MRPL1: variants seen among roughly 807,000 people sequenced by gnomAD.
MRPL1 encodes the protein mitochondrial ribosomal protein L1.
In MRPL1, 28 loss-of-function variants were observed where a neutral mutation model predicts 38.0. The ratio of observed to expected loss-of-function variants is 0.74; its 90% CI spans 0.55 to 1.01. The LOEUF is 1.01. Ranked by LOEUF, MRPL1 falls within the 50% of genes least tolerant of loss-of-function variation. MRPL1 has a pLI of 0.00. For missense variants in MRPL1, 358 were observed against 389.8 expected, an observed-to-expected ratio of 0.92 and a Z score of 0.69; for synonymous variants, 123 against 126.7, an observed-to-expected ratio of 0.97 and a Z score of 0.20.
intron 8 of MRPL1, 31 bp from the exon 9 acceptor site, chr4:77,952,458 A>C (rs771307341): frequency 2.4e-5 from 36 of 1,491,186 alleles, no homozygotes; most frequent in Non-Finnish European, 3.2e-5. Context: ...GCGATATAAA[A>C]ATCAAAGTTG....
At chr4:77,901,846 T>A (rs534843060) in intron 6 of MRPL1, among the ~76,000 whole-genome samples, 14 of 152,330 alleles carry the variant, frequency 9.2e-5, no homozygotes, top group African/African-American at 3.1e-4. Flanking sequence ...ACACTCTTAG[T>A]CATCTTGGCC....
At chr4:77,901,233 T>C (rs1052031745) in intron 6 of MRPL1, among the ~76,000 whole-genome samples, 2 of 152,142 alleles carry the variant, frequency 1.3e-5, no homozygotes, top group Non-Finnish European at 2.9e-5. Context: ...TTGTGCTCCC[T>C]AGAGCAAGTA....
chr4:77,891,500 C>T (rs1422953517), intron 5 of MRPL1, among the ~76,000 whole-genome samples: 1 of 151,972 alleles, frequency 6.6e-6, no homozygotes, highest in Non-Finnish European at 1.5e-5. Flanking sequence ...GGATTACAGG[C>T]GCCTGCCACT....
intron 7 of MRPL1, among the ~76,000 whole-genome samples, chr4:77,918,044 A>G (rs1033084165): frequency 6.9e-6 from 1 of 144,736 alleles, no homozygotes; most frequent in Non-Finnish European, 1.5e-5. Flanking sequence ...ACAGAGCGAG[A>G]CTTCATCTCA....
chr4:77,915,737 A>G (rs1736408742), intron 7 of MRPL1, among the ~76,000 whole-genome samples: 1 of 152,024 alleles, frequency 6.6e-6, no homozygotes, highest in Admixed American at 6.6e-5. Context: ...AATATTTCCT[A>G]CCATTTGTAT....
intron 8 of MRPL1, 135 bp from the exon 9 acceptor site, chr4:77,952,351 GTTT>G (rs1181367951): frequency 2.9e-6 from 2 of 679,632 alleles, no homozygotes; most frequent in African/African-American, 3.6e-5. Context: ...GGTACAATTG[GTTT>G]CTTTATAAGT....
At chr4:77,870,228 G>C (rs1452044354) in intron 1 of MRPL1, among the ~76,000 whole-genome samples, 3 of 152,124 alleles carry the variant, frequency 2.0e-5, no homozygotes, top group African/African-American at 4.8e-5. Context: ...CAATTGATAT[G>C]TTCAAGAGAT....
intron 6 of MRPL1, among the ~76,000 whole-genome samples, chr4:77,905,496 CAAAAAAAAAAAAA>C (rs374398968): frequency 1.6e-5 from 1 of 63,392 alleles, no homozygotes; most frequent in Non-Finnish European, 2.8e-5. Context: ...GACTCCGTCT[CAAAAAAAAAAAAA>C]AAAAAAAAAA....
Position 77,911,460 on chromosome 4 carries a change from T to A in MRPL1, c.777+2088T>A, listed in dbSNP as rs551294356. Reference sequence around the variant, plus strand: ...TTCTTAATGAAAAAGAAATTATGTGTTTAAAGAGTTTTTTTTTGAACACTT... The same window carrying A: ...TTCTTAATGAAAAAGAAATTATGTGATTAAAGAGTTTTTTTTTGAACACTT... On this transcript the variant is annotated intron_variant, in intron 7 of 8. Coordinates refer to ENST00000315567, the MANE Select transcript of MRPL1 (RefSeq NM_020236.4). Among the ~76,000 whole-genome samples, 7 of 152,118 alleles carry A rather than the reference T, an allele frequency of 4.6e-5. No individual in the cohort carries two copies. In the East Asian group the frequency reaches 9.7e-4, roughly 21 times the overall value.
At chr4:77,876,038 T>A (rs980725268) in intron 2 of MRPL1, among the ~76,000 whole-genome samples, 2 of 152,200 alleles carry the variant, frequency 1.3e-5, no homozygotes, top group South Asian at 2.1e-4. Flanking sequence ...AGTGGCATGA[T>A]CTCAGCTCAT....
intron 7 of MRPL1, among the ~76,000 whole-genome samples, chr4:77,940,618 G>T (rs1169209200): frequency 1.3e-5 from 2 of 152,138 alleles, no homozygotes; most frequent in African/African-American, 4.8e-5. Flanking sequence ...TCCTTGTCTT[G>T]TTCCAGTTCT....
chr4:77,902,890 C>A (rs1256512403), intron 6 of MRPL1, among the ~76,000 whole-genome samples: 1 of 152,064 alleles, frequency 6.6e-6, no homozygotes, highest in African/African-American at 2.4e-5. Flanking sequence ...AAGTCCAGGC[C>A]CACCTGATTC....
intron 5 of MRPL1, among the ~76,000 whole-genome samples, chr4:77,889,500 A>G (rs546111904): frequency 1.3e-5 from 2 of 152,350 alleles, no homozygotes; most frequent in South Asian, 2.1e-4. Context: ...AGAGAAATTT[A>G]TAGCACTAAA....
intron 3 of MRPL1, among the ~76,000 whole-genome samples, chr4:77,884,676 G>A (rs561563589): frequency 1.3e-5 from 2 of 152,336 alleles, no homozygotes; most frequent in Non-Finnish European, 2.9e-5. Context: ...ATTTTGTCTT[G>A]GGTTTAGGGT....
chr4:77,930,799 T>C (rs1480313853), intron 7 of MRPL1, among the ~76,000 whole-genome samples: 4 of 152,144 alleles, frequency 2.6e-5, no homozygotes, highest in African/African-American at 7.2e-5. Flanking sequence ...TGCCTATTAT[T>C]TGATTTACCA....
chr4:77,934,230 G>A (rs1378036502), intron 7 of MRPL1, among the ~76,000 whole-genome samples: 2 of 152,166 alleles, frequency 1.3e-5, no homozygotes, highest in African/African-American at 4.8e-5. Flanking sequence ...ACTTTTGTGC[G>A]TTAAATGACA....
In MRPL1 at chr4:77,871,850, T is replaced by C. The variant is rs1735288929; in HGVS notation, c.138T>C (p.Ala46=). The change falls in exon 2 of 9, where the codon GCT becomes GCC. Residue 46 remains alanine, a synonymous_variant. Coordinates refer to ENST00000315567, the MANE Select transcript of MRPL1 (RefSeq NM_020236.4). ...IRVPNRHFAA[A]TKSAKKTKKG... is the part of the protein sequence containing the mutation. The stretch of plus-strand genomic sequence containing the variant: ...TGCCCAACAGACATTTTGCTGCTGC[T>C]ACAAAGTAAGTATTTTTTTTTAGTT... The C allele has an allele frequency of 3.8e-6, 6 of 1,578,796 alleles. No individual in the cohort carries two copies. In the East Asian group the frequency reaches 9.0e-5, roughly 24 times the overall value.
intron 7 of MRPL1, among the ~76,000 whole-genome samples, chr4:77,924,876 A>G (rs1736675997): frequency 6.6e-6 from 1 of 152,210 alleles, no homozygotes; most frequent in East Asian, 1.9e-4. Flanking sequence ...ATACCTAAGA[A>G]AGCCATCCAA....
At chr4:77,930,235 G>T (rs527637763) in intron 7 of MRPL1, among the ~76,000 whole-genome samples, 1 of 152,266 alleles carries the variant, frequency 6.6e-6, no homozygotes, top group Non-Finnish European at 1.5e-5. Flanking sequence ...GTAATAGTAG[G>T]TATAGGGCAG....
Sources: gnomAD v4.1 joint callset for allele counts (sites outside exome capture counted in the v4.1 genomes callset) on GRCh38, gnomAD v4.1.1 for gene constraint, MANE v1.5 for transcripts, NCBI Gene and HGNC (gene_info 2026-07-23, HGNC 2026-07-21) for gene names.